Variants in RAD18 observed in about 807,000 individuals in gnomAD.
RAD18 encodes E3 ubiquitin-protein ligase RAD18.
In RAD18, 47 loss-of-function variants were observed where a neutral mutation model predicts 60.4. The observed-to-expected ratio is 0.78, with a 90% CI of 0.62 to 0.99. RAD18 has a LOEUF of 0.99. Among genes scored for constraint, RAD18 ranks in the 50% least tolerant of loss-of-function variants. The probability of loss-of-function intolerance (pLI) is 0.00; values close to 1 mark genes in which losing one functional copy is unlikely to be tolerated. For missense variants in RAD18, 640 were observed against 593.3 expected (o/e 1.08, Z -0.82); for synonymous variants, 225 against 195.5 (o/e 1.15, Z -1.26).
chr3:8,924,876 C>T (rs2125060573), intron 7 of RAD18, among the ~76,000 whole-genome samples: 1 of 151,810 alleles, frequency 6.6e-6, no homozygotes, highest in South Asian at 2.1e-4. Flanking sequence ...AACAAAGACA[C>T]AACATACCAG....
intron 12 of RAD18, among the ~76,000 whole-genome samples, chr3:8,887,988 C>T (rs1939600962): frequency 6.6e-6 from 1 of 152,178 alleles, no homozygotes; most frequent in African/African-American, 2.4e-5. Context: ...CTTAATCATG[C>T]CAGGGCCAGG....
At chr3:8,963,293 C>G (rs1163034493) in intron 1 of RAD18, 42 bp downstream of exon 1, 6 of 1,571,260 alleles carry the variant, frequency 3.8e-6, no homozygotes, top group East Asian at 2.4e-5. Context: ...GGACCTCCCC[C>G]CGCAGACACC....
chr3:8,937,643 A>T (rs1160427930), intron 6 of RAD18, among the ~76,000 whole-genome samples: 1 of 152,220 alleles, frequency 6.6e-6, no homozygotes, highest in Non-Finnish European at 1.5e-5. Flanking sequence ...AACATGGCCC[A>T]GTGTTGTCTT....
rs1362451641 is a variant in RAD18 at position 8,941,714 on chromosome 3, A to G, written c.357T>C (p.Pro119=). ...GCTTTAAAGACTGTCTGGAGGCTACAGGAGTATATACTTTGACAGCAAGAT... is the reference window on the plus strand; with the variant it reads ...GCTTTAAAGACTGTCTGGAGGCTACGGGAGTATATACTTTGACAGCAAGAT... ...SKNLAVKVYT[P]VASRQSLKQG... The change falls in exon 5 of 13, where the codon CCT becomes CCC. Residue 119 remains proline (P), a synonymous_variant. Transcript: ENST00000264926. The G allele has an allele frequency of 6.2e-7, 1 of 1,614,212 alleles. No individual in the cohort carries two copies. Among genetic ancestry groups the G allele is most frequent in the South Asian group, 1.1e-5 (1 of 91,084 alleles).
chr3:8,925,717 T>G (rs1434370899), intron 7 of RAD18, among the ~76,000 whole-genome samples: 2 of 152,150 alleles, frequency 1.3e-5, no homozygotes, highest in African/African-American at 2.4e-5. Context: ...TCCACCATGA[T>G]CAAGTGGGCT....
At chr3:8,912,241 C>T in intron 9 of RAD18, 71 bp downstream of exon 9, 1 of 1,184,752 alleles carries the variant, frequency 8.4e-7, no homozygotes, top group Non-Finnish European at 1.2e-6. Flanking sequence ...AAACATTATT[C>T]TGAAAAATTA....
chr3:8,919,237 AAACTT>A (rs1473638222), intron 7 of RAD18, among the ~76,000 whole-genome samples: 1 of 152,230 alleles, frequency 6.6e-6, no homozygotes, highest in Non-Finnish European at 1.5e-5. Flanking sequence ...TCTGCATGCT[AAACTT>A]AAACAAGATG....
intron 11 of RAD18, among the ~76,000 whole-genome samples, chr3:8,898,676 A>G (rs967172110): frequency 2.0e-5 from 3 of 152,186 alleles, no homozygotes; most frequent in East Asian, 1.9e-4. Context: ...TAAAGGCTAT[A>G]GAGTAGAGAC....
At chr3:8,951,959 TC>T (rs1324320028) in intron 2 of RAD18, among the ~76,000 whole-genome samples, 1 of 152,154 alleles carries the variant, frequency 6.6e-6, no homozygotes, top group Non-Finnish European at 1.5e-5. Flanking sequence ...GACCATAAGC[TC>T]CGGTATCTCT....
intron 11 of RAD18, among the ~76,000 whole-genome samples, chr3:8,897,724 T>G (rs1169762470): frequency 6.6e-6 from 1 of 152,162 alleles, no homozygotes. Context: ...GGTAGGCATT[T>G]TAAATCAGTA....
At chr3:8,958,887 A>G in intron 2 of RAD18, 33 bp downstream of exon 2, 1 of 1,560,700 alleles carries the variant, frequency 6.4e-7, no homozygotes. Flanking sequence ...AAAAATCGCA[A>G]TTTACTAACT....
rs1322046218 is a variant in RAD18, at chr3:8,878,039, A to G, written c.*3318T>C. 6.6e-6 allele frequency: 1 copy of G among 152,462 alleles called. No individual in the cohort carries two copies. Among genetic ancestry groups the G allele is most frequent in the Admixed American group, 6.5e-5 (1 of 15,280 alleles). 9.4% of individuals were successfully genotyped at this position (152,462 alleles called of 1,614,324 possible). A position where few individuals can be genotyped will look rare whatever the true frequency, so the allele number is the denominator to read the frequency against. ...CTTGGCAGGTTTGCATCTTGGGGCT[A>G]TATCGGGGATGGCGTCCTAGGCAAG... is the stretch of plus-strand genomic sequence containing the variant. On this transcript the variant is annotated 3_prime_UTR_variant, in exon 13 of 13. Coordinates refer to ENST00000264926, the MANE Select transcript of RAD18 (RefSeq NM_020165.4).
In RAD18 at chr3:8,878,343, G is replaced by C; in HGVS notation, c.*3014C>G. ...GCCTCAGATAGTTGTTCTTAAGGAT[G>C]TCTAAAAACAGACTAAAAACCAAAA... On this transcript the variant is annotated 3_prime_UTR_variant, in exon 13 of 13. Coordinates refer to ENST00000264926, the MANE Select transcript of RAD18 (RefSeq NM_020165.4). 1 of 152,166 alleles carries C rather than the reference G, an allele frequency of 6.6e-6. No homozygotes were observed. Among genetic ancestry groups the C allele is most frequent in the South Asian group, 2.1e-4 (1 of 4,820 alleles). The allele number at this position is 152,166 out of a possible 1,614,324, so 9.4% of individuals were successfully genotyped here.
intron 7 of RAD18, among the ~76,000 whole-genome samples, chr3:8,921,005 C>CT (rs1354117332): frequency 1.3e-5 from 2 of 152,118 alleles, no homozygotes; most frequent in African/African-American, 4.8e-5. Flanking sequence ...AAAAGAGAAT[C>CT]TTTTTTTCTT....
At chr3:8,908,460 G>A (rs755827959) in intron 9 of RAD18, among the ~76,000 whole-genome samples, 1 of 152,044 alleles carries the variant, frequency 6.6e-6, no homozygotes, top group Non-Finnish European at 1.5e-5. Context: ...GATGTCAAGA[G>A]ACATAGGGAG....
At chr3:8,955,953 A>G (rs1306364528) in intron 2 of RAD18, among the ~76,000 whole-genome samples, 3 of 152,204 alleles carry the variant, frequency 2.0e-5, no homozygotes, top group African/African-American at 7.2e-5. Context: ...GTTTTTTCCT[A>G]TACATACTTA....
At chr3:8,947,403 T>A in intron 3 of RAD18, 113 bp from the exon 4 acceptor site, 1 of 793,516 alleles carries the variant, frequency 1.3e-6, no homozygotes, top group Admixed American at 2.2e-5. Context: ...TCCCACTAAG[T>A]CTTCTAAGGC....
intron 11 of RAD18, among the ~76,000 whole-genome samples, chr3:8,894,785 G>A (rs1269177100): frequency 8.0e-6 from 1 of 125,588 alleles, no homozygotes; most frequent in Non-Finnish European, 1.6e-5. Context: ...TTTTGAGATG[G>A]AGTCTCGCTT....
At chr3:8,958,842 CAT>C in intron 2 of RAD18, 76 bp downstream of exon 2, 2 of 1,119,688 alleles carry the variant, frequency 1.8e-6, no homozygotes, top group East Asian at 2.4e-5. Context: ...AATATGTGCA[CAT>C]ATCTTTGGTG....
Sources: gnomAD v4.1 joint callset for allele counts (sites outside exome capture counted in the v4.1 genomes callset) on GRCh38, gnomAD v4.1.1 for gene constraint, MANE v1.5 for transcripts, NCBI Gene and HGNC (gene_info 2026-07-23, HGNC 2026-07-21) for gene names.